Variants in SLC38A4 observed in about 807,000 individuals in gnomAD.
The protein encoded by SLC38A4 is sodium-coupled neutral amino acid transporter 4.
In SLC38A4, 20 loss-of-function variants were observed where a neutral mutation model predicts 63.1. The observed-to-expected ratio is 0.32, with a 90% CI of 0.22 to 0.46. The LOEUF (loss-of-function observed/expected upper bound fraction) is 0.46, where lower values mean the gene tolerates loss of function less well. Among genes scored for constraint, SLC38A4 ranks in the 20% least tolerant of loss-of-function variants. SLC38A4 has a pLI of 1.00. For synonymous variants in SLC38A4, 230 were observed against 225.5 expected, an observed-to-expected ratio of 1.02 and a Z score of -0.18; for missense variants, 526 against 663.6, an observed-to-expected ratio of 0.79 and a Z score of 2.28.
At chr12:46,819,801 C>A (rs1200817003) in intron 1 of SLC38A4, among the ~76,000 whole-genome samples, 1 of 151,876 alleles carries the variant, frequency 6.6e-6, no homozygotes, top group Admixed American at 6.6e-5. Flanking sequence ...TAGTTTGGAA[C>A]TACTACACAT....
chr12:46,809,602 A>G (rs968598986), intron 1 of SLC38A4, among the ~76,000 whole-genome samples: 3 of 152,102 alleles, frequency 2.0e-5, no homozygotes, highest in Admixed American at 2.0e-4. Context: ...AGCATGGGAC[A>G]TTAACTGAGC....
chr12:46,829,575 C>A (rs1296994203), upstream of SLC38A4, among the ~76,000 whole-genome samples: 2 of 152,196 alleles, frequency 1.3e-5, no homozygotes, highest in South Asian at 4.1e-4. Flanking sequence ...ATTGTCCTCA[C>A]CACGTTTGTG....
intron 14 of SLC38A4, among the ~76,000 whole-genome samples, chr12:46,769,805 T>C (rs990602175): frequency 6.6e-6 from 1 of 152,120 alleles, no homozygotes; most frequent in Non-Finnish European, 1.5e-5. Flanking sequence ...GCTGTACAGG[T>C]TTGTAGCCTA....
chr12:46,766,493 A>G lies in SLC38A4; in HGVS notation c.*208T>C, dbSNP rs764071216. Reference sequence around the variant, plus strand: ...AAACCTGGGTAGAAATGTGCACCACAGGTTTTATTTTAAACACATACACAA... The same window carrying G: ...AAACCTGGGTAGAAATGTGCACCACGGGTTTTATTTTAAACACATACACAA... On this transcript the variant is annotated 3_prime_UTR_variant, in exon 17 of 17. Transcript: ENST00000266579. 4 of 653,438 alleles carry G rather than the reference A, an allele frequency of 6.1e-6. No homozygotes were observed. Among genetic ancestry groups the G allele is most frequent in the South Asian group, 6.0e-5 (4 of 66,336 alleles). 40.5% of individuals were successfully genotyped at this position (653,438 alleles called of 1,614,324 possible). A position where few individuals can be genotyped will look rare whatever the true frequency, so the allele number is the denominator to read the frequency against.
intron 1 of SLC38A4, among the ~76,000 whole-genome samples, chr12:46,808,409 A>C (rs561196611): frequency 2.3e-4 from 35 of 152,068 alleles, no homozygotes; most frequent in Non-Finnish European, 3.8e-4. Context: ...GTCAACTACT[A>C]TGTTGCAAAA....
At chr12:46,816,354 T>C (rs559954596) in intron 1 of SLC38A4, among the ~76,000 whole-genome samples, 1 of 152,022 alleles carries the variant, frequency 6.6e-6, no homozygotes, top group South Asian at 2.1e-4. Flanking sequence ...TGTAAGAATT[T>C]GGGGTCATGA....
intron 2 of SLC38A4, among the ~76,000 whole-genome samples, chr12:46,799,907 AAAAC>A (rs932055419): frequency 3.9e-5 from 6 of 152,156 alleles, no homozygotes; most frequent in Non-Finnish European, 4.4e-5. Flanking sequence ...TCAGCCTACT[AAAAC>A]AAACAGATTT....
intron 1 of SLC38A4, among the ~76,000 whole-genome samples, chr12:46,815,386 T>G (rs1013012073): frequency 6.6e-6 from 1 of 150,974 alleles, no homozygotes; most frequent in Non-Finnish European, 1.5e-5. Context: ...AGACCACTTT[T>G]TGCTCGTTAT....
intron 1 of SLC38A4, among the ~76,000 whole-genome samples, chr12:46,816,585 C>T (rs535330495): frequency 3.3e-5 from 5 of 151,942 alleles, no homozygotes; most frequent in East Asian, 1.9e-4. Flanking sequence ...GGCCTTCTTT[C>T]GGCCTCAATC....
intron 1 of SLC38A4, among the ~76,000 whole-genome samples, chr12:46,810,795 T>C: frequency 6.6e-6 from 1 of 152,026 alleles, no homozygotes; most frequent in East Asian, 1.9e-4. Context: ...CTTAGGTTTT[T>C]CAACAATTGT....
intron 3 of SLC38A4, among the ~76,000 whole-genome samples, 161 bp from the exon 4 acceptor site, chr12:46,788,779 C>T (rs557730995): frequency 2.0e-5 from 3 of 152,208 alleles, no homozygotes; most frequent in African/African-American, 7.2e-5. Context: ...TCCAGACCAA[C>T]AATTTTGAGT....
At chr12:46,795,362 GCAGCAATTA>G (rs1938980674) in intron 2 of SLC38A4, among the ~76,000 whole-genome samples, 2 of 152,120 alleles carry the variant, frequency 1.3e-5, no homozygotes, top group South Asian at 4.2e-4. Flanking sequence ...AAACCAATAA[GCAGCAATTA>G]CAGTATTATC....
At chr12:46,819,305 G>GGA (rs144873564) in intron 1 of SLC38A4, among the ~76,000 whole-genome samples, 1 of 149,748 alleles carries the variant, frequency 6.7e-6, no homozygotes, top group Non-Finnish European at 1.5e-5. Context: ...GGAGGGAGGG[G>GGA]GAGAGAGAGA....
chr12:46,769,168 G>A, intron 15 of SLC38A4, 116 bp downstream of exon 15: 1 of 1,151,064 alleles, frequency 8.7e-7, no homozygotes, highest in Non-Finnish European at 1.3e-6. Flanking sequence ...GGGATAAAGG[G>A]AATCCATGAG....
At chr12:46,805,274 G>A (rs1340420763) in intron 1 of SLC38A4, among the ~76,000 whole-genome samples, 1 of 151,960 alleles carries the variant, frequency 6.6e-6, no homozygotes, top group East Asian at 1.9e-4. Flanking sequence ...CTATTGAAGA[G>A]TTTAATCATG....
At chr12:46,798,240 G>A (rs1939057444) in intron 2 of SLC38A4, among the ~76,000 whole-genome samples, 1 of 152,102 alleles carries the variant, frequency 6.6e-6, no homozygotes, top group Non-Finnish European at 1.5e-5. Context: ...TTTACTCTGA[G>A]GATAAAGTCC....
intron 2 of SLC38A4, among the ~76,000 whole-genome samples, chr12:46,798,542 A>G (rs1016951986): frequency 1.3e-5 from 2 of 152,120 alleles, no homozygotes; most frequent in Non-Finnish European, 2.9e-5. Context: ...TTCTCTGAAG[A>G]AGGAGCAGCA....
At chr12:46,785,032 A>G (rs1460883268) in intron 6 of SLC38A4, 72 bp downstream of exon 6, 11 of 1,197,994 alleles carry the variant, frequency 9.2e-6, no homozygotes, top group Admixed American at 1.7e-5. Flanking sequence ...TCCTAAGGTT[A>G]TGAAGCAACA....
chr12:46,819,059 T>C (rs1239899142), intron 1 of SLC38A4, among the ~76,000 whole-genome samples: 2 of 151,882 alleles, frequency 1.3e-5, no homozygotes, highest in African/African-American at 4.8e-5. Context: ...GAGGGTTAGA[T>C]TGAAGAAGGC....
Sources: allele counts gnomAD v4.1 joint callset (sites outside exome capture counted in the v4.1 genomes callset), GRCh38; gene constraint gnomAD v4.1.1; transcripts MANE v1.5; gene names NCBI Gene and HGNC (gene_info 2026-07-23, HGNC 2026-07-21).